The following SLCO3A1 variants were observed in gnomAD, a reference collection of about 807,000 sequenced individuals.
SLCO3A1 encodes solute carrier organic anion transporter family member 3A1.
A neutral mutation model predicts 63.1 loss-of-function variants in SLCO3A1; 27 were observed. The ratio of observed to expected loss-of-function variants is 0.43; its 90% CI spans 0.32 to 0.59. The LOEUF is 0.59. Among genes scored for constraint, SLCO3A1 ranks in the 20% least tolerant of loss-of-function variants. The probability of loss-of-function intolerance (pLI) is 0.09; values close to 1 mark genes in which losing one functional copy is unlikely to be tolerated. For synonymous variants in SLCO3A1, 473 were observed against 409.9 expected (o/e 1.15, Z -1.86); for missense variants, 773 against 945.8 (o/e 0.82, Z 2.40).
At chr15:92,020,320 T>C (rs1443689745) in intron 2 of SLCO3A1, among the ~76,000 whole-genome samples, 1 of 152,208 alleles carries the variant, frequency 6.6e-6, no homozygotes, top group East Asian at 1.9e-4. Flanking sequence ...CGCACATTTT[T>C]GTAAAGTCCC....
At chr15:92,149,970 C>T (rs1264115067) in intron 8 of SLCO3A1, among the ~76,000 whole-genome samples, 1 of 152,124 alleles carries the variant, frequency 6.6e-6, no homozygotes, top group African/African-American at 2.4e-5. Flanking sequence ...GTAACGTGCA[C>T]GTTCTAAAGG....
chr15:92,150,036 T>G (rs980501489), intron 8 of SLCO3A1, among the ~76,000 whole-genome samples: 7 of 152,096 alleles, frequency 4.6e-5, no homozygotes, highest in African/African-American at 1.7e-4. Flanking sequence ...GTTGTACTGG[T>G]GTCTAACTCA....
chr15:92,153,593 GCAATGGGGATA>G (rs914049570), intron 9 of SLCO3A1: 2 of 152,256 alleles, frequency 1.3e-5, no homozygotes, highest in African/African-American at 2.4e-5. Context: ...CCTAGCAAGG[GCAATGGGGATA>G]CAATGGGGAC....
intron 2 of SLCO3A1, among the ~76,000 whole-genome samples, chr15:92,055,204 G>C (rs879321194): frequency 1.3e-5 from 2 of 152,268 alleles, no homozygotes; most frequent in African/African-American, 4.8e-5. Context: ...AATCAGTGAT[G>C]TTGAGCTTTT....
chr15:92,048,369 C>T (rs969889861), intron 2 of SLCO3A1, among the ~76,000 whole-genome samples: 3 of 152,138 alleles, frequency 2.0e-5, no homozygotes, highest in African/African-American at 2.4e-5. Flanking sequence ...AGTCCTGCTG[C>T]TATGAAATGT....
intron 2 of SLCO3A1, among the ~76,000 whole-genome samples, chr15:91,995,454 A>T (rs922745706): frequency 6.6e-6 from 1 of 152,168 alleles, no homozygotes; most frequent in African/African-American, 2.4e-5. Flanking sequence ...TGTCATAGGA[A>T]GCTAATGGTT....
intron 2 of SLCO3A1, among the ~76,000 whole-genome samples, chr15:92,079,140 A>G (rs1414981420): frequency 6.6e-6 from 1 of 152,152 alleles, no homozygotes; most frequent in East Asian, 1.9e-4. Flanking sequence ...AATGCCCATG[A>G]AGGTGCTGAT....
intron 2 of SLCO3A1, among the ~76,000 whole-genome samples, chr15:92,026,380 G>A (rs2046574112): frequency 6.6e-6 from 1 of 152,228 alleles, no homozygotes; most frequent in Non-Finnish European, 1.5e-5. Flanking sequence ...TAAGGAGACA[G>A]AAGTGACGAG....
intron 9 of SLCO3A1, among the ~76,000 whole-genome samples, chr15:92,158,327 A>AATAAGAGCTCTAAAGTCTTCT (rs1396996949): frequency 1.3e-5 from 2 of 152,172 alleles, no homozygotes; most frequent in African/African-American, 4.8e-5. Context: ...GGAAATCCCC[A>AATAAGAGCTCTAAAGTCTTCT]ATAAGAGCTC....
intron 7 of SLCO3A1, among the ~76,000 whole-genome samples, chr15:92,144,634 G>T (rs1276068861): frequency 1.3e-5 from 2 of 152,176 alleles, no homozygotes; most frequent in Non-Finnish European, 2.9e-5. Context: ...ATGCAAAAGG[G>T]GCATACCGCA....
rs1462435007 is a variant in SLCO3A1 at position 91,871,665 on chromosome 15, G to A, written c.180+17577G>A. 2.6e-5 allele frequency among the ~76,000 whole-genome samples: 4 copies of A among 151,744 alleles called. No individual in the cohort carries two copies. The East Asian group carries it at 5.8e-4, about 22-fold the overall frequency. On this transcript the variant is annotated intron_variant, in intron 1 of 9. Coordinates refer to ENST00000318445, the MANE Select transcript of SLCO3A1 (RefSeq NM_013272.4). ...TCTTCCTGAGGGTGTTTGACTCAGG[G>A]CTCTGAGCCTTGCCACACTGGATTC... is the stretch of plus-strand genomic sequence containing the variant.
At chr15:91,925,271 C>T (rs904244476) in intron 2 of SLCO3A1, among the ~76,000 whole-genome samples, 2 of 152,184 alleles carry the variant, frequency 1.3e-5, no homozygotes, top group African/African-American at 2.4e-5. Flanking sequence ...CTACAAGAAG[C>T]ATTCTGTGAG....
chr15:91,904,175 A>C (rs1329651415), intron 1 of SLCO3A1, among the ~76,000 whole-genome samples: 1 of 152,182 alleles, frequency 6.6e-6, no homozygotes, highest in Non-Finnish European at 1.5e-5. Flanking sequence ...CACTGCTGTT[A>C]TATCATGCAC....
rs1250073380 is a variant in SLCO3A1 at position 91,900,476 on chromosome 15, C to A, written c.181-15517C>A. On this transcript the variant is annotated intron_variant, in intron 1 of 9. Transcript: ENST00000318445. This position sits in a 1 kb window ranked among gnomAD's most constrained non-coding sequence, Gnocchi z 4.3. Reference sequence around the variant, plus strand: ...TCCCCAGTAGCTGGGATTACAGGTGCATGCCACTGTGCCCGGCTAATTTTT... The same window carrying A: ...TCCCCAGTAGCTGGGATTACAGGTGAATGCCACTGTGCCCGGCTAATTTTT... 2.0e-5 allele frequency among the ~76,000 whole-genome samples: 3 copies of A among 152,128 alleles called. No individual in the cohort carries two copies. Among genetic ancestry groups the A allele is most frequent in the African/African-American group, 4.8e-5 (2 of 41,428 alleles).
intron 3 of SLCO3A1, among the ~76,000 whole-genome samples, chr15:92,096,663 A>G (rs981823351): frequency 1.3e-5 from 2 of 152,226 alleles, no homozygotes; most frequent in Admixed American, 6.5e-5. Flanking sequence ...ATCTCTTGAC[A>G]ATGCTAAATT....
intron 2 of SLCO3A1, among the ~76,000 whole-genome samples, chr15:91,981,243 G>T (rs1470021312): frequency 6.6e-6 from 1 of 152,068 alleles, no homozygotes; most frequent in Admixed American, 6.5e-5. Flanking sequence ...GCCAGCCAGG[G>T]GCTCCCATTT....
chr15:92,016,825 C>T (rs771643289), intron 2 of SLCO3A1, among the ~76,000 whole-genome samples: 4 of 152,042 alleles, frequency 2.6e-5, no homozygotes, highest in African/African-American at 2.4e-5. Context: ...AGATGAACTT[C>T]GGGCCTGTGG....
rs375510908 is a variant in SLCO3A1, at chr15:91,872,756, C to T, written c.180+18668C>T. On this transcript the variant is annotated intron_variant, in intron 1 of 9. Transcript: ENST00000318445. The surrounding 1 kb of genome is among the most constrained non-coding windows in gnomAD (Gnocchi z 4.1). ...TGTGAGAGAACACTGTTCTCACTCT[C>T]TCTTTTAAACTGAGGGAAAAGGTAA... 2.6e-5 allele frequency among the ~76,000 whole-genome samples: 4 copies of T among 152,200 alleles called. No homozygotes were observed. Among genetic ancestry groups the T allele is most frequent in the Non-Finnish European group, 4.4e-5 (3 of 68,042 alleles).
rs887922540 is a variant in SLCO3A1 at position 91,885,718 on chromosome 15, G to A, written c.181-30275G>A. ...CTGCTGTGAGCAGACACATACATGCGGTCTGACAATTCAGATCCCTTCGCC... is the reference window on the plus strand; with the variant it reads ...CTGCTGTGAGCAGACACATACATGCAGTCTGACAATTCAGATCCCTTCGCC... On this transcript the variant is annotated intron_variant, in intron 1 of 9. Transcript: ENST00000318445. The surrounding 1 kb of genome is among the most constrained non-coding windows in gnomAD (Gnocchi z 4.7). Among the ~76,000 whole-genome samples the A allele has an allele frequency of 3.9e-5, 6 of 152,272 alleles. No homozygotes were observed. The highest frequency in any genetic ancestry group is 7.2e-5 in the African/African-American group (3 of 41,560).
Sources: allele counts gnomAD v4.1 joint callset (sites outside exome capture counted in the v4.1 genomes callset), GRCh38; gene constraint gnomAD v4.1.1; non-coding constraint Gnocchi (gnomAD v3.1); transcripts MANE v1.5; gene names NCBI Gene and HGNC (gene_info 2026-07-23, HGNC 2026-07-21).